CREB3L3: variants seen among roughly 807,000 people sequenced by gnomAD.
CREB3L3 encodes cyclic AMP-responsive element-binding protein 3-like protein 3.
A neutral mutation model predicts 44.6 loss-of-function variants in CREB3L3; 40 were observed. That is an observed-to-expected ratio of 0.90 (90% CI 0.70 to 1.17). CREB3L3 has a LOEUF of 1.17. Ranked by LOEUF, CREB3L3 falls within the 50% of genes most tolerant of loss-of-function variation. The probability of loss-of-function intolerance (pLI) is 0.00; values close to 1 mark genes in which losing one functional copy is unlikely to be tolerated. For synonymous variants in CREB3L3, 273 were observed against 256.3 expected (o/e 1.06, Z -0.62); for missense variants, 578 against 595.8 (o/e 0.97, Z 0.31).
chr19:4,169,483 A>C (rs993641732), intron 6 of CREB3L3, among the ~76,000 whole-genome samples: 4 of 151,998 alleles, frequency 2.6e-5, no homozygotes, highest in African/African-American at 9.7e-5. Flanking sequence ...CCATCTCAAA[A>C]AACAAACAAA....
rs371518308 is a variant in CREB3L3 at position 4,153,804 on chromosome 19, G to A, written c.27+30G>A. On this transcript the variant is annotated intron_variant, in intron 1 of 9. Transcript: ENST00000078445. ...GCCCTACTAGGTCCCCAGGGAGAGCGGGAGTCTAGGCTGGGAAAGCCTACC... is the reference window on the plus strand; with the variant it reads ...GCCCTACTAGGTCCCCAGGGAGAGCAGGAGTCTAGGCTGGGAAAGCCTACC... 4.3e-5 allele frequency: 70 copies of A among 1,613,216 alleles called. 1 individual carries two copies. The Admixed American group carries it at 8.7e-4, about 20-fold the overall frequency.
At chr19:4,161,409 C>T (rs995600594) in intron 4 of CREB3L3, among the ~76,000 whole-genome samples, 3 of 152,256 alleles carry the variant, frequency 2.0e-5, no homozygotes, top group South Asian at 2.1e-4. Context: ...TACTGCGCCC[C>T]GCCTGGGGCT....
Position 4,162,166 on chromosome 19 carries a change from C to T in CREB3L3, c.577-2337C>T, listed in dbSNP as rs565715313. Among the ~76,000 whole-genome samples, 21 of 152,010 alleles carry T rather than the reference C, an allele frequency of 1.4e-4. No individual in the cohort carries two copies. The South Asian group carries it at 1.7e-3, about 12-fold the overall frequency. ...GACTACAGGTGCCTGCCACCATGCC[C>T]GACTAATTTTTGTATTTTTAGTAGA... On this transcript the variant is annotated intron_variant, in intron 4 of 9. Transcript: ENST00000078445.
chr19:4,163,415 G>A (rs1255623252), intron 4 of CREB3L3, among the ~76,000 whole-genome samples: 1 of 152,026 alleles, frequency 6.6e-6, no homozygotes, highest in African/African-American at 2.4e-5. Flanking sequence ...TTGCGCGTGT[G>A]TGAGGATATC....
At chr19:4,160,210 C>T (rs1481112817) in intron 4 of CREB3L3, among the ~76,000 whole-genome samples, 4 of 151,170 alleles carry the variant, frequency 2.6e-5, no homozygotes, top group Admixed American at 6.6e-5. Context: ...GTGGAAGGAT[C>T]GCTTGAGCCC....
intron 5 of CREB3L3, among the ~76,000 whole-genome samples, chr19:4,165,632 C>T (rs955780409): frequency 1.3e-4 from 20 of 152,162 alleles, no homozygotes; most frequent in Middle Eastern, 3.4e-3. Context: ...GAGGCTGAGG[C>T]AGAGGATCAC....
chr19:4,156,572 T>C (rs2041581495), intron 2 of CREB3L3, among the ~76,000 whole-genome samples: 1 of 150,104 alleles, frequency 6.7e-6, no homozygotes, highest in African/African-American at 2.5e-5. Context: ...TGGCGTGATC[T>C]CGGCTCACTG....
intron 6 of CREB3L3, 21 bp from the exon 7 acceptor site, chr19:4,170,119 G>C: frequency 6.2e-7 from 1 of 1,613,348 alleles, no homozygotes; most frequent in Non-Finnish European, 8.5e-7. Context: ...GCTGAATGTC[G>C]ATGCGTCTTC....
chr19:4,168,781 G>A (rs1056156384), intron 6 of CREB3L3, among the ~76,000 whole-genome samples: 38 of 152,240 alleles, frequency 2.5e-4, no homozygotes, highest in African/African-American at 8.9e-4. Flanking sequence ...ACCCAGGCTG[G>A]AGTGCAGTGG....
At chr19:4,168,314 T>C (rs753895674) in intron 5 of CREB3L3, 37 bp from the exon 6 acceptor site, 24 of 1,562,938 alleles carry the variant, frequency 1.5e-5, no homozygotes, top group South Asian at 1.1e-4. Context: ...GTGGGGACTT[T>C]CTGGCCTGAA....
chr19:4,159,558 G>C (rs2041631825), intron 3 of CREB3L3, 106 bp from the exon 4 acceptor site: 1 of 756,504 alleles, frequency 1.3e-6, no homozygotes, highest in Non-Finnish European at 2.4e-6. Context: ...ATGAATGTTG[G>C]GATTAATCAT....
At chr19:4,170,492 G>T (rs1967019032) in intron 7 of CREB3L3, among the ~76,000 whole-genome samples, 1 of 151,966 alleles carries the variant, frequency 6.6e-6, no homozygotes, top group African/African-American at 2.4e-5. Context: ...GGCACCTGCA[G>T]TCCCAGCTAC....
At chr19:4,168,798 C>G (rs1966980043) in intron 6 of CREB3L3, among the ~76,000 whole-genome samples, 1 of 152,140 alleles carries the variant, frequency 6.6e-6, no homozygotes, top group African/African-American at 2.4e-5. Context: ...GTGGTGCGAT[C>G]TTGGCTCACT....
chr19:4,160,794 C>T lies in CREB3L3; in HGVS notation c.576+1012C>T, dbSNP rs991703924. Among the ~76,000 whole-genome samples, 15 of 150,972 alleles carry T rather than the reference C, an allele frequency of 9.9e-5. 1 individual carries two copies. The highest frequency in any genetic ancestry group is 2.1e-4 in the South Asian group (1 of 4,774). On this transcript the variant is annotated intron_variant, in intron 4 of 9. Coordinates refer to ENST00000078445, the MANE Select transcript of CREB3L3 (RefSeq NM_032607.3). ...TGTCACCTAGGCTGGAGTGCAGTGGCGTGATCTCGGCTCACTGCAAGCTCC... is the reference window on the plus strand; with the variant it reads ...TGTCACCTAGGCTGGAGTGCAGTGGTGTGATCTCGGCTCACTGCAAGCTCC...
intron 5 of CREB3L3, among the ~76,000 whole-genome samples, chr19:4,167,579 AAAG>A (rs1193363714): frequency 6.6e-6 from 1 of 151,870 alleles, no homozygotes; most frequent in African/African-American, 2.4e-5. Context: ...AAAGGAAAGA[AAAG>A]AAAGAAACGT....
chr19:4,167,498 GAA>G (rs1182491684), intron 5 of CREB3L3, among the ~76,000 whole-genome samples: 1 of 119,564 alleles, frequency 8.4e-6, no homozygotes, highest in Non-Finnish European at 1.6e-5. Context: ...GAGAGAAAGA[GAA>G]AGAGAAAGAG....
chr19:4,154,826 G>A, intron 1 of CREB3L3, 73 bp from the exon 2 acceptor site: 1 of 1,608,266 alleles, frequency 6.2e-7, no homozygotes, highest in South Asian at 1.1e-5. Context: ...GAAAGAGCCA[G>A]GGTTATGTGC....
chr19:4,167,348 AAGAAAG>A (rs1966928372), intron 5 of CREB3L3, among the ~76,000 whole-genome samples: 2 of 98,468 alleles, frequency 2.0e-5, no homozygotes, highest in African/African-American at 3.5e-5. Context: ...GAAAGAAAGA[AAGAAAG>A]AGAGAGAGAG....
At chr19:4,163,348 GAAA>G (rs58779763) in intron 4 of CREB3L3, among the ~76,000 whole-genome samples, 2,686 of 150,244 alleles carry the variant, frequency 0.018, 73 homozygotes, top group African/African-American at 0.061. Context: ...AAGAAAGAAA[GAAA>G]GAAGGAAGGA....
Sources: allele counts gnomAD v4.1 joint callset (sites outside exome capture counted in the v4.1 genomes callset), GRCh38; gene constraint gnomAD v4.1.1; transcripts MANE v1.5; gene names NCBI Gene and HGNC (gene_info 2026-07-23, HGNC 2026-07-21).